SPATA13: variants seen among roughly 807,000 people sequenced by gnomAD.
The protein encoded by SPATA13 is spermatogenesis associated 13.
Under a neutral mutation model 104.0 loss-of-function variants are expected in SPATA13, and 50 were observed. The observed-to-expected ratio is 0.48, with a 90% CI of 0.38 to 0.61. The LOEUF is 0.61. Ranked by LOEUF, SPATA13 falls within the 20% of genes least tolerant of loss-of-function variation. The pLI is 0.00. For synonymous variants in SPATA13, 606 were observed against 667.5 expected (o/e 0.91, Z 1.42); for missense variants, 1,524 against 1,690.6 (o/e 0.90, Z 1.73).
At chr13:24,092,207 T>G (rs7984325) in intron 3 of SPATA13, among the ~76,000 whole-genome samples, 12,807 of 152,312 alleles carry the variant, frequency 0.084, 593 homozygotes, top group African/African-American at 0.11. Flanking sequence ...GTTGATCTTT[T>G]AAAAGTGCTT....
intron 4 of SPATA13, among the ~76,000 whole-genome samples, chr13:24,280,458 G>T (rs559914520): frequency 4.4e-4 from 66 of 150,836 alleles, no homozygotes; most frequent in African/African-American, 1.5e-3. Context: ...CTGTGGGTGG[G>T]AAGCCCCAAT....
intron 3 of SPATA13, among the ~76,000 whole-genome samples, chr13:24,030,528 C>G (rs188345832): frequency 6.6e-6 from 1 of 152,220 alleles, no homozygotes; most frequent in East Asian, 1.9e-4. Context: ...AATCTCCTGC[C>G]CACCCATGTT....
In SPATA13 at chr13:24,249,753, G is replaced by T. The variant is rs1034691989; in HGVS notation, c.1930G>T (p.Ala644Ser). The change falls in exon 3 of 13, where the codon GCC (alanine) becomes TCC (serine). Residue 644 changes from alanine to serine, a missense_variant. Ala to Ser is a moderately conservative substitution (Grantham distance 99). Transcript: ENST00000382108. ...QNAPVGCPKG[A>S]RRRRPISVIG... ...TGCTCCAGTGGGCTGCCCCAAAGGA[G>T]CCCGGAGAAGGCGCCCCATTTCCGT... The T allele has an allele frequency of 6.2e-7, 1 of 1,614,142 alleles. No homozygotes were observed. Among genetic ancestry groups the T allele is most frequent in the Non-Finnish European group, 8.5e-7 (1 of 1,180,036 alleles).
intron 4 of SPATA13, among the ~76,000 whole-genome samples, chr13:24,280,973 G>A (rs1192132155): frequency 1.3e-5 from 2 of 152,186 alleles, no homozygotes; most frequent in African/African-American, 4.8e-5. Flanking sequence ...GACAGCACAT[G>A]TCTGGCTTTC....
At chr13:24,109,611 A>C in intron 3 of SPATA13, among the ~76,000 whole-genome samples, 1 of 152,096 alleles carries the variant, frequency 6.6e-6, no homozygotes, top group East Asian at 1.9e-4. Flanking sequence ...AGATAGAGAC[A>C]CTCAGGGGTT....
chr13:24,122,074 C>T (rs1049098403), intron 3 of SPATA13: 3 of 1,591,578 alleles, frequency 1.9e-6, no homozygotes, highest in South Asian at 2.2e-5. Context: ...CTCAATTCAT[C>T]CCTGGTGCTG....
chr13:24,018,220 C>T (rs916133112), intron 3 of SPATA13, among the ~76,000 whole-genome samples: 7 of 152,278 alleles, frequency 4.6e-5, no homozygotes, highest in East Asian at 3.9e-4. Flanking sequence ...GAAATGTGCA[C>T]GTGTTCATAA....
chr13:23,991,134 C>G (rs1875392332), intron 2 of SPATA13, among the ~76,000 whole-genome samples: 1 of 152,188 alleles, frequency 6.6e-6, no homozygotes, highest in Admixed American at 6.5e-5. Flanking sequence ...AAGGGGCACA[C>G]AAACTTAAGG....
chr13:24,025,350 A>G (rs541997404), intron 3 of SPATA13, among the ~76,000 whole-genome samples: 1 of 152,276 alleles, frequency 6.6e-6, no homozygotes, highest in East Asian at 1.9e-4. Context: ...AAATATATAT[A>G]ATAATAATAC....
chr13:24,203,574 A>G (rs1870540479), intron 1 of SPATA13, among the ~76,000 whole-genome samples: 1 of 152,152 alleles, frequency 6.6e-6, no homozygotes, highest in Non-Finnish European at 1.5e-5. Context: ...GTCTAGGTGG[A>G]CACAGCAATG....
chr13:24,039,543 A>C (rs1877835703), intron 3 of SPATA13, among the ~76,000 whole-genome samples: 1 of 152,164 alleles, frequency 6.6e-6, no homozygotes, highest in Non-Finnish European at 1.5e-5. Context: ...TTTTATTATC[A>C]AGTTCATAAA....
At chr13:24,105,526 C>A (rs1880415251) in intron 3 of SPATA13, among the ~76,000 whole-genome samples, 1 of 151,076 alleles carries the variant, frequency 6.6e-6, no homozygotes, top group African/African-American at 2.4e-5. Context: ...AATGAGAGAG[C>A]CTGATAAATA....
chr13:24,158,376 C>G (rs1400516867), upstream of SPATA13, among the ~76,000 whole-genome samples: 1 of 152,144 alleles, frequency 6.6e-6, no homozygotes, highest in Non-Finnish European at 1.5e-5. Context: ...ACACAGAGGC[C>G]ACATTGTGAT....
chr13:24,127,498 A>C (rs1447503978), intron 3 of SPATA13, among the ~76,000 whole-genome samples: 1 of 152,224 alleles, frequency 6.6e-6, no homozygotes, highest in Non-Finnish European at 1.5e-5. Context: ...CTCTGGGGAC[A>C]GCAGCTGGAG....
chr13:24,010,480 T>C (rs1187816353), intron 2 of SPATA13, among the ~76,000 whole-genome samples: 1 of 151,728 alleles, frequency 6.6e-6, no homozygotes, highest in Admixed American at 6.6e-5. Flanking sequence ...TTTTTCATCT[T>C]TGTAGCTACG....
upstream of SPATA13, among the ~76,000 whole-genome samples, chr13:24,158,231 G>T (rs1464302164): frequency 2.0e-5 from 3 of 152,188 alleles, no homozygotes; most frequent in Non-Finnish European, 4.4e-5. Flanking sequence ...AGAGGTCACC[G>T]ACCTTTGGAG....
At chr13:24,155,637 A>G (rs1402789538) in intron 3 of SPATA13, among the ~76,000 whole-genome samples, 2 of 152,206 alleles carry the variant, frequency 1.3e-5, no homozygotes, top group East Asian at 3.8e-4. Flanking sequence ...CTTTCTGCAG[A>G]TTCTGGCCTG....
chr13:24,086,526 C>T (rs550551924), intron 3 of SPATA13, among the ~76,000 whole-genome samples: 1 of 152,138 alleles, frequency 6.6e-6, no homozygotes, highest in South Asian at 2.1e-4. Flanking sequence ...AGGATGAATT[C>T]AAAAGACAAG....
intron 3 of SPATA13, chr13:24,123,605 A>G: frequency 1.2e-6 from 2 of 1,607,634 alleles, no homozygotes; most frequent in Admixed American, 1.7e-5. Context: ...TACAGGCTGT[A>G]AACAAAAGTG....
Sources: gnomAD v4.1 joint callset for allele counts (sites outside exome capture counted in the v4.1 genomes callset) on GRCh38, gnomAD v4.1.1 for gene constraint, MANE v1.5 for transcripts, NCBI Gene and HGNC (gene_info 2026-07-23, HGNC 2026-07-21) for gene names.